Variants in EPHA5 observed in about 807,000 individuals in gnomAD.
EPHA5 encodes the protein ephrin type-A receptor 5.
Under a neutral mutation model 105.0 loss-of-function variants are expected in EPHA5, and 60 were observed. The ratio of observed to expected loss-of-function variants is 0.57; its 90% CI spans 0.46 to 0.71. The LOEUF (loss-of-function observed/expected upper bound fraction) is 0.71, where lower values mean the gene tolerates loss of function less well. Ranked by LOEUF, EPHA5 falls within the 30% of genes least tolerant of loss-of-function variation. The probability of loss-of-function intolerance (pLI) is 0.00; values close to 1 mark genes in which losing one functional copy is unlikely to be tolerated. For missense variants in EPHA5, 1,218 were observed against 1,274.7 expected (o/e 0.96, Z 0.68); for synonymous variants, 513 against 449.1 (o/e 1.14, Z -1.80).
chr4:65,572,222 T>C (rs1348856703), intron 3 of EPHA5, among the ~76,000 whole-genome samples: 1 of 152,144 alleles, frequency 6.6e-6, no homozygotes, highest in East Asian at 1.9e-4. Flanking sequence ...TTATCTCCTA[T>C]AGAACTCTGA....
In EPHA5 at chr4:65,319,920, A is replaced by G. The variant is rs1719502504; in HGVS notation, c.*4194T>C. 1 of 230,164 alleles carries G rather than the reference A, an allele frequency of 4.3e-6. No individual in the cohort carries two copies. The highest frequency in any genetic ancestry group is 2.2e-5 in the African/African-American group (1 of 45,182). 14.3% of individuals were successfully genotyped at this position (230,164 alleles called of 1,614,324 possible). A position where few individuals can be genotyped will look rare whatever the true frequency, so the allele number is the denominator to read the frequency against. ...CTAAAGAGTCATAGATATGTTGACC[A>G]CTGAAACTTCTACTGTGAATACAGT... On this transcript the variant is annotated 3_prime_UTR_variant, in exon 17 of 17. Transcript: ENST00000613740.
chr4:65,393,056 G>A lies in EPHA5; in HGVS notation c.1793+11318C>T, dbSNP rs561184015. ...GAATACTTTGGCTAAAGGGATTGAG[G>A]AAATTTCTTTTTCCTCTATTCATGA... On this transcript the variant is annotated intron_variant, in intron 8 of 16. Coordinates refer to ENST00000613740, the MANE Select transcript of EPHA5 (RefSeq NM_001281766.3). 2.6e-4 allele frequency among the ~76,000 whole-genome samples: 40 copies of A among 152,160 alleles called. 1 individual carries two copies. In the East Asian group the frequency reaches 6.6e-3, roughly 25 times the overall value.
At chr4:65,414,808 A>T (rs905598715) in intron 6 of EPHA5, among the ~76,000 whole-genome samples, 10 of 152,142 alleles carry the variant, frequency 6.6e-5, no homozygotes, top group Non-Finnish European at 1.2e-4. Context: ...TAATCGGAGC[A>T]TGTCTAACAT....
chr4:65,331,744 T>C lies in EPHA5; in HGVS notation c.2945+229A>G, dbSNP rs959345971. The C allele has an allele frequency of 4.9e-6, 6 of 1,215,148 alleles. No individual in the cohort carries two copies. In the South Asian group the frequency reaches 1.9e-4, roughly 39 times the overall value. The allele number at this position is 1,215,148 out of a possible 1,614,324, so 75.3% of individuals were successfully genotyped here. A position where few individuals can be genotyped will look rare whatever the true frequency, so the allele number is the denominator to read the frequency against. On this transcript the variant is annotated intron_variant, in intron 16 of 16. Transcript: ENST00000613740. ...TGCCAAGGAGCTGTTATTCCAATTA[T>C]TCAAGTATGCCAATGTTATTTGTTT...
intron 3 of EPHA5, among the ~76,000 whole-genome samples, chr4:65,527,348 T>C (rs1735333205): frequency 6.6e-6 from 1 of 152,104 alleles, no homozygotes; most frequent in African/African-American, 2.4e-5. Flanking sequence ...GTTGTCAAGT[T>C]ATACGTGAAA....
chr4:65,497,661 A>G (rs1732076306), intron 3 of EPHA5, among the ~76,000 whole-genome samples: 1 of 152,056 alleles, frequency 6.6e-6, no homozygotes, highest in African/African-American at 2.4e-5. Flanking sequence ...TTTGGAATTC[A>G]TTTACCATTC....
intron 8 of EPHA5, among the ~76,000 whole-genome samples, chr4:65,398,481 G>A (rs546260133): frequency 3.3e-5 from 5 of 152,274 alleles, no homozygotes; most frequent in African/African-American, 9.6e-5. Context: ...GAAGACAGTG[G>A]CTCCCCAGTG....
At chr4:65,410,678 A>G (rs1722829774) in intron 7 of EPHA5, among the ~76,000 whole-genome samples, 1 of 152,176 alleles carries the variant, frequency 6.6e-6, no homozygotes, top group Non-Finnish European at 1.5e-5. Context: ...TCTGTAAAAT[A>G]TTACCATGGT....
chr4:65,547,256 A>G (rs1042415870), intron 3 of EPHA5, among the ~76,000 whole-genome samples: 5 of 151,132 alleles, frequency 3.3e-5, no homozygotes, highest in African/African-American at 9.7e-5. Context: ...GCAGTTGCCT[A>G]TACATCAAAT....
At chr4:65,650,629 C>A (rs1748530092) in intron 1 of EPHA5, among the ~76,000 whole-genome samples, 1 of 151,580 alleles carries the variant, frequency 6.6e-6, no homozygotes, top group African/African-American at 2.4e-5. Flanking sequence ...ACCCTTTCCT[C>A]ACCTTTAGCC....
At chr4:65,573,980 A>G in intron 3 of EPHA5, 5 of 1,589,672 alleles carry the variant, frequency 3.1e-6, no homozygotes, top group Non-Finnish European at 3.5e-6. Context: ...GTGGCTTATT[A>G]CTTGTGACTG....
chr4:65,401,764 A>G (rs1175443852), intron 8 of EPHA5, among the ~76,000 whole-genome samples: 4 of 152,104 alleles, frequency 2.6e-5, no homozygotes, highest in Non-Finnish European at 5.9e-5. Context: ...TTTTTTTACC[A>G]AGCTTTGGAT....
At chr4:65,656,558 AC>A (rs1407892227) in intron 1 of EPHA5, among the ~76,000 whole-genome samples, 2 of 148,180 alleles carry the variant, frequency 1.3e-5, no homozygotes, top group African/African-American at 4.9e-5. Context: ...GTAGTATACT[AC>A]ATTTACATGT....
At chr4:65,325,904 A>G (rs919109252) in intron 16 of EPHA5, among the ~76,000 whole-genome samples, 1 of 150,978 alleles carries the variant, frequency 6.6e-6, no homozygotes, top group Non-Finnish European at 1.5e-5. Context: ...ATATACCAGA[A>G]GCACTGCAGC....
At position 65,669,797 on chromosome 4, in the gene EPHA5, G is replaced by C. The variant is rs1750308700; in HGVS notation, c.-55C>G. On this transcript the variant is annotated 5_prime_UTR_variant, in exon 1 of 17. Coordinates refer to ENST00000613740, the MANE Select transcript of EPHA5 (RefSeq NM_001281766.3). ...CCCGAGCGGCTCAGTCCACCGCTTC[G>C]GCCTCGCAGAGCGGCGAAGGGAGAC... 1 of 1,234,952 alleles carries C rather than the reference G, an allele frequency of 8.1e-7. No individual in the cohort carries two copies. Among genetic ancestry groups the C allele is most frequent in the African/African-American group, 1.5e-5 (1 of 64,564 alleles). The allele number at this position is 1,234,952 out of a possible 1,614,324, so 76.5% of individuals were successfully genotyped here.
chr4:65,446,204 G>A (rs1297930950), intron 5 of EPHA5, among the ~76,000 whole-genome samples: 1 of 152,062 alleles, frequency 6.6e-6, no homozygotes, highest in African/African-American at 2.4e-5. Context: ...TGTACCAATT[G>A]TCTATTATTT....
chr4:65,421,248 T>A (rs1723919702), intron 5 of EPHA5, among the ~76,000 whole-genome samples: 2 of 152,102 alleles, frequency 1.3e-5, no homozygotes, highest in Admixed American at 6.6e-5. Flanking sequence ...CTTTCGGGTA[T>A]GTCTGGATAT....
At chr4:65,579,558 A>G (rs1200711118) in intron 3 of EPHA5, among the ~76,000 whole-genome samples, 1 of 151,628 alleles carries the variant, frequency 6.6e-6, no homozygotes, top group African/African-American at 2.4e-5. Context: ...ATATTTCCTA[A>G]TTATAAAATT....
chr4:65,487,637 G>T (rs763379648), intron 5 of EPHA5, among the ~76,000 whole-genome samples: 1 of 152,010 alleles, frequency 6.6e-6, no homozygotes, highest in African/African-American at 2.4e-5. Context: ...GCCCTCACCC[G>T]GAACTGACTC....
Sources: allele counts gnomAD v4.1 joint callset (sites outside exome capture counted in the v4.1 genomes callset), GRCh38; gene constraint gnomAD v4.1.1; transcripts MANE v1.5; gene names NCBI Gene and HGNC (gene_info 2026-07-23, HGNC 2026-07-21).